MYO1E: variants seen among roughly 807,000 people sequenced by gnomAD.
The protein encoded by MYO1E is myosin IE.
A neutral mutation model predicts 151.1 loss-of-function variants in MYO1E; 68 were observed. The observed-to-expected ratio is 0.45, with a 90% CI of 0.37 to 0.55. The LOEUF (loss-of-function observed/expected upper bound fraction) is 0.55, where lower values mean the gene tolerates loss of function less well. MYO1E is among the 20% of genes least tolerant of loss of function. The pLI, the probability that MYO1E is intolerant of heterozygous loss-of-function variation, is 0.00. For missense variants in MYO1E, 1,363 were observed against 1,389.3 expected (o/e 0.98, Z 0.30); for synonymous variants, 601 against 501.7 (o/e 1.20, Z -2.64).
rs200815044 is a variant in MYO1E at position 59,210,541 on chromosome 15, G to T, written c.1335C>A (p.Ile445=). The T allele has an allele frequency of 1.2e-6, 2 of 1,603,090 alleles. No homozygotes were observed. Among genetic ancestry groups the T allele is most frequent in the Non-Finnish European group, 1.7e-6 (2 of 1,169,980 alleles). The change falls in exon 13 of 28, where the codon ATC becomes ATA. Residue 445 remains isoleucine, a synonymous_variant. Transcript: ENST00000288235. The part of the protein sequence containing the change: ...WTPIEYFNNK[I]VCDLIENKVN... ...CTTTGTTCTCTATGAGGTCACATAC[G>T]ATTTTATTATTAAAGTACTCAATGG...
At chr15:59,336,884 G>A (rs573562941) in intron 1 of MYO1E, among the ~76,000 whole-genome samples, 1 of 152,160 alleles carries the variant, frequency 6.6e-6, no homozygotes, top group African/African-American at 2.4e-5. Context: ...GAGAATGACG[G>A]TTTCCAGCTT....
At chr15:59,236,806 T>A (rs1232866738) in intron 4 of MYO1E, 134 bp from the exon 5 acceptor site, 7 of 723,514 alleles carry the variant, frequency 9.7e-6, no homozygotes, top group South Asian at 1.6e-5. Context: ...TTTTTTTTTT[T>A]AAGTACAATA....
At chr15:59,293,348 C>T (rs191637282) in intron 1 of MYO1E, among the ~76,000 whole-genome samples, 28 of 152,154 alleles carry the variant, frequency 1.8e-4, no homozygotes, top group African/African-American at 6.0e-4. Context: ...GAGTTTGAGA[C>T]CAGCCTGGCC....
In MYO1E at chr15:59,297,437, A is replaced by ATT. The variant is rs755470049; in HGVS notation, c.4-24990_4-24989dup. 1.7e-3 allele frequency among the ~76,000 whole-genome samples: 108 copies of ATT among 63,486 alleles called. 4 individuals carry two copies. Among genetic ancestry groups the ATT allele is most frequent in the South Asian group, 0.01 (13 of 1,280 alleles). The allele number at this position is 63,486 out of a possible 152,430, so 41.6% of individuals were successfully genotyped here. On this transcript the variant is annotated intron_variant, in intron 1 of 27. Transcript: ENST00000288235. ...AGGTACGCACCACCACACCCAGCTA[A>ATT]TTTTTTTTTTTTTTTTTTTTTTTTA...
intron 1 of MYO1E, among the ~76,000 whole-genome samples, chr15:59,357,870 A>G (rs185879063): frequency 1.7e-4 from 26 of 152,246 alleles, no homozygotes; most frequent in African/African-American, 6.3e-4. Flanking sequence ...CAAGCTGAAG[A>G]TGGAGAACAT....
chr15:59,295,388 G>C (rs778318395), intron 1 of MYO1E, among the ~76,000 whole-genome samples: 1 of 152,128 alleles, frequency 6.6e-6, no homozygotes, highest in Admixed American at 6.5e-5. Context: ...TAGAAAGGCG[G>C]ATTTGTGTTG....
At chr15:59,259,685 A>G (rs955301957) in intron 3 of MYO1E, among the ~76,000 whole-genome samples, 4 of 152,254 alleles carry the variant, frequency 2.6e-5, no homozygotes, top group African/African-American at 9.6e-5. Context: ...TTGCCCAGTA[A>G]GGCTTCAACG....
intron 1 of MYO1E, among the ~76,000 whole-genome samples, chr15:59,277,412 G>A (rs1377078054): frequency 6.6e-6 from 1 of 151,972 alleles, no homozygotes; most frequent in Non-Finnish European, 1.5e-5. Flanking sequence ...GGGCATGGTG[G>A]CATGAGCTTG....
chr15:59,178,844 A>G (rs2079641411), intron 18 of MYO1E, among the ~76,000 whole-genome samples: 1 of 152,196 alleles, frequency 6.6e-6, no homozygotes, highest in Non-Finnish European at 1.5e-5. Flanking sequence ...GAAGGCCACC[A>G]GGGGTGGTCT....
chr15:59,282,037 G>T (rs2080355914), intron 1 of MYO1E, among the ~76,000 whole-genome samples: 1 of 152,066 alleles, frequency 6.6e-6, no homozygotes, highest in South Asian at 2.1e-4. Flanking sequence ...CGATGTTAAG[G>T]TCTACCCTGG....
chr15:59,238,350 C>A (rs994086974), intron 4 of MYO1E, among the ~76,000 whole-genome samples: 23 of 152,152 alleles, frequency 1.5e-4, no homozygotes, highest in African/African-American at 5.6e-4. Context: ...ATTGGAAAGT[C>A]CAAGCTTACA....
At chr15:59,243,022 G>C (rs2080109269) in intron 4 of MYO1E, among the ~76,000 whole-genome samples, 1 of 151,484 alleles carries the variant, frequency 6.6e-6, no homozygotes, top group South Asian at 2.1e-4. Context: ...AACGGAGTTG[G>C]GATTAACCAT....
At chr15:59,277,564 A>AAAACAAAAAAAAC (rs2080328143) in intron 1 of MYO1E, among the ~76,000 whole-genome samples, 1 of 139,850 alleles carries the variant, frequency 7.2e-6, no homozygotes, top group African/African-American at 2.8e-5. Flanking sequence ...AAAAAAAAAA[A>AAAACAAAAAAAAC]AAAAAAAAAC....
rs74020330 is a variant in MYO1E, at chr15:59,260,835, C to T, written c.237+585G>A. Among the ~76,000 whole-genome samples the T allele has an allele frequency of 6.3e-3, 956 of 152,210 alleles. 10 individuals are homozygous for T. The highest frequency in any genetic ancestry group is 0.022 in the African/African-American group (904 of 41,520). On this transcript the variant is annotated intron_variant, in intron 3 of 27. Transcript: ENST00000288235. ...GGCATATATGGAAGCAGGAAGATCC[C>T]TAAGCTGTAGGTCCTACATCCTATT...
Position 59,350,324 on chromosome 15 carries a change from T to C in MYO1E, c.3+22174A>G, listed in dbSNP as rs1353975648. ...TTCACACTCCAGCTAGAGGATACAC[T>C]GACTCACAGTTTCATTACCTTCTAT... On this transcript the variant is annotated intron_variant, in intron 1 of 27. Transcript: ENST00000288235. This position sits in a 1 kb window ranked among gnomAD's most constrained non-coding sequence, Gnocchi z 5.0. 6.6e-6 allele frequency among the ~76,000 whole-genome samples: 1 copy of C among 152,214 alleles called. No individual in the cohort carries two copies. Among genetic ancestry groups the C allele is most frequent in the Non-Finnish European group, 1.5e-5 (1 of 68,030 alleles).
At position 59,160,118 on chromosome 15, in the gene MYO1E, G is replaced by C. The variant is rs112520912; in HGVS notation, c.2785+955C>G. On this transcript the variant is annotated intron_variant, in intron 24 of 27. Transcript: ENST00000288235. ...CCCAAAGTGCAGGGATTATAGGCATGAGCCACCGTGCCTGGCCTAGAAACA... is the reference window on the plus strand; with the variant it reads ...CCCAAAGTGCAGGGATTATAGGCATCAGCCACCGTGCCTGGCCTAGAAACA... Among the ~76,000 whole-genome samples the C allele has an allele frequency of 6.0e-3, 914 of 152,272 alleles. 7 individuals carry two copies. The highest frequency in any genetic ancestry group is 0.021 in the African/African-American group (868 of 41,538).
At chr15:59,199,611 T>A (rs1159104363) in intron 16 of MYO1E, among the ~76,000 whole-genome samples, 2 of 152,172 alleles carry the variant, frequency 1.3e-5, no homozygotes, top group Non-Finnish European at 2.9e-5. Context: ...TTTATACTTT[T>A]ATTTATAATC....
intron 18 of MYO1E, 71 bp downstream of exon 18, chr15:59,188,047 T>G: frequency 8.6e-7 from 1 of 1,161,588 alleles, no homozygotes; most frequent in Non-Finnish European, 1.3e-6. Flanking sequence ...TTGAAGTGGG[T>G]GAATTGTATA....
intron 14 of MYO1E, 44 bp downstream of exon 14, chr15:59,208,637 A>C (rs1304169248): frequency 1.2e-6 from 2 of 1,611,002 alleles, no homozygotes; most frequent in African/African-American, 1.3e-5. Context: ...TCACAAACCC[A>C]AAGGCTTAAA....
Sources: gnomAD v4.1 joint callset for allele counts (sites outside exome capture counted in the v4.1 genomes callset) on GRCh38, gnomAD v4.1.1 for gene constraint, Gnocchi (gnomAD v3.1) non-coding constraint, MANE v1.5 for transcripts, NCBI Gene and HGNC (gene_info 2026-07-23, HGNC 2026-07-21) for gene names.